Variants in LOC128462377 observed in about 807,000 individuals in gnomAD.
the LOC128462377 span, among the ~76,000 whole-genome samples, chr16:89,352,685 C>A: frequency 2.0e-5 from 3 of 152,230 alleles, no homozygotes; most frequent in Non-Finnish European, 4.4e-5. Flanking sequence ...TGGCCCTTCT[C>A]CACCCAATTC....
chr16:89,351,027 A>G, the LOC128462377 span, among the ~76,000 whole-genome samples: 1 of 152,174 alleles, frequency 6.6e-6, no homozygotes, highest in Admixed American at 6.5e-5. Context: ...AAGATCACCT[A>G]ACAACGCATT....
chr16:89,409,053 G>C, the LOC128462377 span, among the ~76,000 whole-genome samples: 2 of 152,202 alleles, frequency 1.3e-5, no homozygotes, highest in African/African-American at 4.8e-5. Context: ...ATTCAGAAAA[G>C]CCACCTGCAC....
the LOC128462377 span, among the ~76,000 whole-genome samples, chr16:89,345,016 G>A: frequency 6.6e-6 from 1 of 152,220 alleles, no homozygotes; most frequent in Non-Finnish European, 1.5e-5. Flanking sequence ...AGATGAGGCA[G>A]GAGGAACGGC....
chr16:89,353,679 C>A, the LOC128462377 span, among the ~76,000 whole-genome samples: 1 of 152,162 alleles, frequency 6.6e-6, no homozygotes. Flanking sequence ...AGGGTTTCAT[C>A]ATGTTGGCCA....
At chr16:89,387,686 G>GAAAAAAA in the LOC128462377 span, among the ~76,000 whole-genome samples, 1 of 48,798 alleles carries the variant, frequency 2.0e-5, no homozygotes, top group African/African-American at 7.9e-5. Context: ...AATAAAAAAA[G>GAAAAAAA]AAAAAGAAAA....
the LOC128462377 span, among the ~76,000 whole-genome samples, chr16:89,399,815 TTA>T: frequency 6.6e-6 from 1 of 152,168 alleles, no homozygotes; most frequent in Non-Finnish European, 1.5e-5. Context: ...TCTACTTTTT[TTA>T]AAGTGACCAT....
chr16:89,396,624 G>A, the LOC128462377 span, among the ~76,000 whole-genome samples: 1 of 152,080 alleles, frequency 6.6e-6, no homozygotes, highest in Non-Finnish European at 1.5e-5. Context: ...TGTCTTCTAT[G>A]AAGCCACACA....
At chr16:89,329,034 G>C in the LOC128462377 span, 2 of 151,886 alleles carry the variant, frequency 1.3e-5, no homozygotes, top group Non-Finnish European at 2.9e-5. Flanking sequence ...CCTGGTGAGT[G>C]AGTGGACGCA....
At chr16:89,384,879 C>CTTTTTTTTTGTTTTTTTTTTTTTTTTTTT in the LOC128462377 span, among the ~76,000 whole-genome samples, 1 of 49,910 alleles carries the variant, frequency 2.0e-5, no homozygotes, top group Non-Finnish European at 3.5e-5. Context: ...AAATAGTTTT[C>CTTTTTTTTTGTTTTTTTTTTTTTTTTTTT]TTTTTTTTTT....
the LOC128462377 span, among the ~76,000 whole-genome samples, chr16:89,318,967 G>A: frequency 3.9e-5 from 6 of 152,198 alleles, no homozygotes; most frequent in African/African-American, 1.4e-4. Context: ...AAACCGGAAT[G>A]TCTCAGCCTG....
the LOC128462377 span, among the ~76,000 whole-genome samples, chr16:89,338,336 G>T: frequency 1.3e-5 from 2 of 151,856 alleles, no homozygotes; most frequent in African/African-American, 4.8e-5. Flanking sequence ...GCTTACAGGG[G>T]TGCTGACAAA....
the LOC128462377 span, among the ~76,000 whole-genome samples, chr16:89,337,408 A>G: frequency 1.9e-4 from 26 of 133,906 alleles, no homozygotes; most frequent in African/African-American, 7.2e-4. Context: ...TGCACAATAC[A>G]TGAACATGGT....
chr16:89,318,141 C>A, the LOC128462377 span, among the ~76,000 whole-genome samples: 4 of 152,240 alleles, frequency 2.6e-5, no homozygotes, highest in South Asian at 8.3e-4. Context: ...CTCTGCGACA[C>A]ACGGTGCGAG....
chr16:89,416,210 T>C, the LOC128462377 span, among the ~76,000 whole-genome samples: 3 of 152,202 alleles, frequency 2.0e-5, no homozygotes, highest in African/African-American at 7.2e-5. Flanking sequence ...ACTAGAGTGC[T>C]AGACATTTAG....
the LOC128462377 span, among the ~76,000 whole-genome samples, chr16:89,339,362 A>G: frequency 2.1e-5 from 3 of 145,556 alleles, no homozygotes; most frequent in Non-Finnish European, 4.5e-5. Context: ...CTAGCAAACA[A>G]ACAAACAAAC....
At chr16:89,325,714 G>A in the LOC128462377 span, among the ~76,000 whole-genome samples, 1 of 152,202 alleles carries the variant, frequency 6.6e-6, no homozygotes, top group Non-Finnish European at 1.5e-5. Flanking sequence ...CATTTTTACT[G>A]GGTGGACGTT....
At chr16:89,382,015 C>A in the LOC128462377 span, among the ~76,000 whole-genome samples, 1 of 152,168 alleles carries the variant, frequency 6.6e-6, no homozygotes, top group Non-Finnish European at 1.5e-5. Context: ...ACAAACCGTG[C>A]AAGCAGCCAG....
At chr16:89,337,719 C>T in the LOC128462377 span, among the ~76,000 whole-genome samples, 1 of 152,162 alleles carries the variant, frequency 6.6e-6, no homozygotes, top group African/African-American at 2.4e-5. Context: ...GGATTACAGG[C>T]GTAAGCCACT....
chr16:89,369,640 CA>C, the LOC128462377 span, among the ~76,000 whole-genome samples: 3 of 152,162 alleles, frequency 2.0e-5, no homozygotes, highest in Non-Finnish European at 4.4e-5. Context: ...GAAGGACAAC[CA>C]GGGGGGTCCT....
Sources: gnomAD v4.1 joint callset for allele counts (sites outside exome capture counted in the v4.1 genomes callset) on GRCh38, gnomAD v4.1.1 for gene constraint, MANE v1.5 for transcripts.